The following USP28 variants were observed in gnomAD, a reference collection of about 807,000 sequenced individuals.
USP28 encodes the protein ubiquitin specific peptidase 28.
Under a neutral mutation model 145.0 loss-of-function variants are expected in USP28, and 113 were observed. The observed-to-expected ratio is 0.78, with a 90% CI of 0.67 to 0.91. The LOEUF is 0.91. Among genes scored for constraint, USP28 ranks in the 40% least tolerant of loss-of-function variants. The probability of loss-of-function intolerance (pLI) is 0.00; values close to 1 mark genes in which losing one functional copy is unlikely to be tolerated. For missense variants in USP28, 1,201 were observed against 1,289.6 expected (o/e 0.93, Z 1.05); for synonymous variants, 447 against 450.9 (o/e 0.99, Z 0.11).
At chr11:113,813,799 G>A in intron 15 of USP28, 86 bp downstream of exon 15, 1 of 1,000,528 alleles carries the variant, frequency 1.0e-6, no homozygotes, top group Non-Finnish European at 1.6e-6. Flanking sequence ...GATTCCCATT[G>A]GGTTTAAAAG....
Position 113,813,453 on chromosome 11 carries a change from C to T in USP28, c.1743+432G>A, listed in dbSNP as rs1173181459. 4.6e-5 allele frequency among the ~76,000 whole-genome samples: 7 copies of T among 152,308 alleles called. No homozygotes were observed. In the South Asian group the frequency reaches 6.2e-4, roughly 14 times the overall value. ...GGATAGTTAAGAATTTCTGTCCTAA[C>T]TCTCTTTTGGAATTTATTATTACAG... On this transcript the variant is annotated intron_variant, in intron 15 of 24. Coordinates refer to ENST00000003302, the Ensembl canonical transcript of USP28.
chr11:113,854,608 G>C (rs1313045793), intron 1 of USP28, among the ~76,000 whole-genome samples: 1 of 152,112 alleles, frequency 6.6e-6, no homozygotes, highest in Non-Finnish European at 1.5e-5. Flanking sequence ...CACATTGTTG[G>C]TCAGGCTGGT....
intron 3 of USP28, among the ~76,000 whole-genome samples, chr11:113,852,188 C>A (rs1946538890): frequency 6.6e-6 from 1 of 152,108 alleles, no homozygotes; most frequent in African/African-American, 2.4e-5. Flanking sequence ...ACCACCACAC[C>A]CAGCTAATTT....
chr11:113,871,170 C>CACAG (rs1948774675), intron 1 of USP28, among the ~76,000 whole-genome samples: 1 of 152,108 alleles, frequency 6.6e-6, no homozygotes, highest in Non-Finnish European at 1.5e-5. Flanking sequence ...GGTCATTGAA[C>CACAG]ACAGAGCTGG....
At chr11:113,824,237 TGA>T (rs1179890734) in intron 11 of USP28, among the ~76,000 whole-genome samples, 1 of 152,198 alleles carries the variant, frequency 6.6e-6, no homozygotes, top group Non-Finnish European at 1.5e-5. Context: ...AAAACACTGT[TGA>T]GAGATATTAA....
At chr11:113,817,667 G>T (rs1403626361) in exon 13 of USP28, 1 of 1,612,622 alleles carries the variant, frequency 6.2e-7, no homozygotes, top group Non-Finnish European at 8.5e-7. Context: ...CCTTTCCTTG[G>T]ATGTCTGGTC....
chr11:113,856,060 G>A (rs535686744), intron 1 of USP28, among the ~76,000 whole-genome samples: 1 of 152,222 alleles, frequency 6.6e-6, no homozygotes, highest in Non-Finnish European at 1.5e-5. Context: ...GTCATTGCCT[G>A]TGCACTGGGA....
At chr11:113,821,655 G>T in intron 12 of USP28, 1 of 192,880 alleles carries the variant, frequency 5.2e-6, no homozygotes, top group South Asian at 1.0e-4. Flanking sequence ...CTTCTTTTCT[G>T]GGAAGGGAGG....
At chr11:113,801,670 A>C in exon 24 of USP28, 1 of 1,570,400 alleles carries the variant, frequency 6.4e-7, no homozygotes, top group Non-Finnish European at 8.7e-7. Context: ...CTGCTTTGGC[A>C]TTCAGCTCCT....
intron 1 of USP28, among the ~76,000 whole-genome samples, chr11:113,873,289 A>C (rs1306165233): frequency 6.6e-6 from 1 of 152,214 alleles, no homozygotes; most frequent in Non-Finnish European, 1.5e-5. Context: ...TAAAAGGGGC[A>C]AACATTATCA....
rs763886422 is a variant in USP28, at chr11:113,801,603, T to C, written c.2938A>G (p.Asn980Asp). The stretch of plus-strand genomic sequence containing the variant: ...TGAATGCAGGGGATGATCAGTTCAT[T>C]CATCACATTAATGCCCTCAGTTACG... The change falls in exon 24 of 25, where the codon AAT becomes GAT. Residue 980 changes from asparagine to aspartate, a missense_variant. By Grantham distance (23) the Asn-to-Asp change is conservative. Transcript: ENST00000003302. 2.5e-6 allele frequency: 4 copies of C among 1,611,032 alleles called. No individual in the cohort carries two copies. The South Asian group carries it at 4.4e-5, about 18-fold the overall frequency.
At chr11:113,845,603 T>G (rs1202421456) in intron 3 of USP28, among the ~76,000 whole-genome samples, 1 of 152,138 alleles carries the variant, frequency 6.6e-6, no homozygotes, top group Admixed American at 6.5e-5. Context: ...TGAGAGAGTC[T>G]CACTCTGTCA....
At chr11:113,872,795 C>A (rs1033719448) in intron 1 of USP28, among the ~76,000 whole-genome samples, 1 of 152,102 alleles carries the variant, frequency 6.6e-6, no homozygotes, top group African/African-American at 2.4e-5. Flanking sequence ...TTGCTGCTAT[C>A]GAAGTCAAGA....
At chr11:113,839,838 C>A (rs1216546314) in intron 5 of USP28, among the ~76,000 whole-genome samples, 3 of 152,100 alleles carry the variant, frequency 2.0e-5, no homozygotes, top group Non-Finnish European at 4.4e-5. Context: ...GCCTGACCAA[C>A]ATGATGAAAC....
intron 11 of USP28, among the ~76,000 whole-genome samples, chr11:113,826,290 A>AG (rs1195620100): frequency 2.7e-5 from 4 of 149,084 alleles, no homozygotes; most frequent in Non-Finnish European, 6.0e-5. Flanking sequence ...CTCAAAAAAA[A>AG]AAAAAAAGAA....
chr11:113,808,307 T>A (rs746311993), exon 18 of USP28: 13 of 1,612,920 alleles, frequency 8.1e-6, no homozygotes, highest in Non-Finnish European at 1.1e-5. Context: ...CCTCACTCAG[T>A]GCCGCTTCTA....
At chr11:113,817,705 T>C in exon 13 of USP28, 1 of 1,614,204 alleles carries the variant, frequency 6.2e-7, no homozygotes, top group Non-Finnish European at 8.5e-7. Flanking sequence ...CTGAAGAAAG[T>C]GGTAATGTCA....
exon 17 of USP28, chr11:113,809,108 C>G (rs1191024850): frequency 1.2e-6 from 2 of 1,614,146 alleles, no homozygotes; most frequent in Admixed American, 3.3e-5. Flanking sequence ...GTGGAGGACT[C>G]CATTTGAGGG....
At chr11:113,866,914 G>A (rs1948310270) in intron 1 of USP28, among the ~76,000 whole-genome samples, 1 of 152,158 alleles carries the variant, frequency 6.6e-6, no homozygotes, top group African/African-American at 2.4e-5. Context: ...ATGGAAGAAT[G>A]GACAGGCAAA....
Sources: allele counts gnomAD v4.1 joint callset (sites outside exome capture counted in the v4.1 genomes callset), GRCh38; gene constraint gnomAD v4.1.1; transcripts MANE v1.5; gene names NCBI Gene and HGNC (gene_info 2026-07-23, HGNC 2026-07-21).